Variants in ASIC2 observed in about 807,000 individuals in gnomAD.
ASIC2 encodes acid-sensing ion channel 2.
In ASIC2, 25 loss-of-function variants were observed where a neutral mutation model predicts 57.3. The ratio of observed to expected loss-of-function variants is 0.44; its 90% confidence interval spans 0.32 to 0.61. The LOEUF (loss-of-function observed/expected upper bound fraction) is 0.61, where lower values mean the gene tolerates loss of function less well. Among genes scored for constraint, ASIC2 ranks in the 20% least tolerant of loss-of-function variants. The pLI is 0.06. For synonymous variants in ASIC2, 319 were observed against 307.5 expected (o/e 1.04, Z -0.39); for missense variants, 641 against 738.1 (o/e 0.87, Z 1.52).
chr17:33,901,094 T>C (rs1027505867), intron 1 of ASIC2, among the ~76,000 whole-genome samples: 3 of 152,184 alleles, frequency 2.0e-5, no homozygotes, highest in Non-Finnish European at 2.9e-5. Context: ...GTCCTCCCTT[T>C]TGTGCTTCTG....
At chr17:33,028,480 G>A (rs2091868153) in intron 3 of ASIC2, 88 bp from the exon 4 acceptor site, 1 of 1,508,916 alleles carries the variant, frequency 6.6e-7, no homozygotes. Flanking sequence ...AACAATTATT[G>A]AGCATTTAAA....
intron 1 of ASIC2, among the ~76,000 whole-genome samples, chr17:33,614,107 G>T (rs1343771899): frequency 6.6e-6 from 1 of 152,070 alleles, no homozygotes; most frequent in Non-Finnish European, 1.5e-5. Context: ...CAGCTGCACC[G>T]GGTTTTAATT....
At chr17:33,919,618 A>G (rs1160334350) in intron 1 of ASIC2, among the ~76,000 whole-genome samples, 1 of 152,278 alleles carries the variant, frequency 6.6e-6, no homozygotes, top group Non-Finnish European at 1.5e-5. Context: ...TTTGGCAAAT[A>G]ATTTATGACA....
chr17:33,333,497 T>C (rs574981921), intron 1 of ASIC2, among the ~76,000 whole-genome samples: 1 of 152,276 alleles, frequency 6.6e-6, no homozygotes, highest in Non-Finnish European at 1.5e-5. Flanking sequence ...TGCAGAATTA[T>C]AAGTATATAA....
In ASIC2 at chr17:33,441,256, C is replaced by T. The variant is rs139007400; in HGVS notation, c.556-329189G>A. Among the ~76,000 whole-genome samples the T allele has an allele frequency of 2.4e-3, 367 of 152,264 alleles. 2 individuals carry two copies. The highest frequency in any genetic ancestry group is 8.5e-3 in the African/African-American group (352 of 41,536). On this transcript the variant is annotated intron_variant, in intron 1 of 9. Coordinates refer to the ASIC2 transcript ENST00000359872. ...CTTTCCTGGGATTACAGGAATGAGC[C>T]ACTGCACTGGACTCATTTTCTTAAT...
intron 1 of ASIC2, among the ~76,000 whole-genome samples, chr17:33,636,375 G>C (rs766163602): frequency 1.3e-5 from 2 of 152,118 alleles, no homozygotes; most frequent in Admixed American, 1.3e-4. Flanking sequence ...CGTGCCTTAG[G>C]GGGAAGAAGG....
At chr17:33,643,955 A>G (rs2142035321) in intron 1 of ASIC2, among the ~76,000 whole-genome samples, 1 of 152,350 alleles carries the variant, frequency 6.6e-6, no homozygotes, top group Admixed American at 6.5e-5. Context: ...AATTATTTTT[A>G]AAGTCGCAAA....
At chr17:33,825,041 T>G (rs1444458917) in intron 1 of ASIC2, among the ~76,000 whole-genome samples, 2 of 152,190 alleles carry the variant, frequency 1.3e-5, no homozygotes, top group Non-Finnish European at 2.9e-5. Flanking sequence ...TCTACTTCTA[T>G]CTCTGTATGT....
Position 33,396,527 on chromosome 17 carries a change from G to A in ASIC2, c.556-284460C>T, listed in dbSNP as rs796664190. Among the ~76,000 whole-genome samples the A allele has an allele frequency of 1.6e-4, 25 of 152,272 alleles. 1 individual carries two copies. Among genetic ancestry groups the A allele is most frequent in the African/African-American group, 5.5e-4 (23 of 41,558 alleles). On this transcript the variant is annotated intron_variant, in intron 1 of 9. Transcript: ENST00000359872. ...TGATTTTCTCAGGAACTTATTGCAGGGAAGTGGTGGTGCTGGGCTGGGACC... is the reference window on the plus strand; with the variant it reads ...TGATTTTCTCAGGAACTTATTGCAGAGAAGTGGTGGTGCTGGGCTGGGACC...
At chr17:33,026,120 G>A (rs2091858429) in intron 4 of ASIC2, 138 bp from the exon 5 acceptor site, 4 of 842,128 alleles carry the variant, frequency 4.7e-6, no homozygotes, top group Non-Finnish European at 5.6e-6. Context: ...GCAGTTCGAA[G>A]GGAGCCTTGG....
chr17:33,173,425 G>C (rs72819130), intron 1 of ASIC2, among the ~76,000 whole-genome samples: 122 of 152,288 alleles, frequency 8.0e-4, no homozygotes, highest in Non-Finnish European at 1.4e-3. Context: ...TGCTGAAGAG[G>C]CTGAAGGCGC....
intron 1 of ASIC2, among the ~76,000 whole-genome samples, chr17:34,109,338 G>T (rs539971894): frequency 2.3e-4 from 35 of 152,148 alleles, no homozygotes; most frequent in African/African-American, 8.0e-4. Context: ...TTTCCATTCT[G>T]CTTCTGGGCT....
intron 1 of ASIC2, among the ~76,000 whole-genome samples, chr17:33,593,773 A>G (rs924359718): frequency 6.6e-6 from 1 of 152,256 alleles, no homozygotes; most frequent in Non-Finnish European, 1.5e-5. Flanking sequence ...ACAGTGAGAA[A>G]GAACAAGCCT....
At chr17:33,657,186 T>C (rs1420767388) in intron 1 of ASIC2, among the ~76,000 whole-genome samples, 4 of 152,164 alleles carry the variant, frequency 2.6e-5, no homozygotes. Flanking sequence ...TGGGAATCCC[T>C]ACTGGGCACA....
intron 1 of ASIC2, among the ~76,000 whole-genome samples, chr17:33,204,533 C>T (rs918233037): frequency 6.6e-6 from 1 of 152,192 alleles, no homozygotes; most frequent in Non-Finnish European, 1.5e-5. Flanking sequence ...GCTCGCCTGT[C>T]CCACCTCCAC....
intron 1 of ASIC2, chr17:34,071,884 A>G (rs1429649117): frequency 6.6e-6 from 1 of 152,212 alleles, no homozygotes; most frequent in Non-Finnish European, 1.5e-5. Context: ...GAGAGAAAGA[A>G]AGATTCTGGC....
At chr17:33,225,749 C>G (rs1195834323) in intron 1 of ASIC2, among the ~76,000 whole-genome samples, 3 of 152,112 alleles carry the variant, frequency 2.0e-5, no homozygotes, top group Non-Finnish European at 4.4e-5. Flanking sequence ...GCTCCTGGGG[C>G]TAAGGCAACA....
intron 1 of ASIC2, among the ~76,000 whole-genome samples, chr17:33,515,976 A>G (rs1409809266): frequency 6.6e-6 from 1 of 152,112 alleles, no homozygotes; most frequent in East Asian, 1.9e-4. Flanking sequence ...GTGCGCCTGT[A>G]GTCCCAGCTA....
rs796562179 is a variant in ASIC2, at chr17:33,748,780, C to T, written c.555+407198G>A. ...GGCTTCATAATGTCCTTTCTTCCTT[C>T]GTGTGCCTCTTAAGTGATTAGTGTA... On this transcript the variant is annotated intron_variant, in intron 1 of 9. Coordinates refer to the ASIC2 transcript ENST00000359872. 4.6e-5 allele frequency among the ~76,000 whole-genome samples: 7 copies of T among 152,326 alleles called. 1 individual carries two copies. The highest frequency in any genetic ancestry group is 1.4e-4 in the African/African-American group (6 of 41,586).
Sources: gnomAD v4.1 joint callset for allele counts (sites outside exome capture counted in the v4.1 genomes callset) on GRCh38, gnomAD v4.1.1 for gene constraint, MANE v1.5 for transcripts, NCBI Gene and HGNC (gene_info 2026-07-23, HGNC 2026-07-21) for gene names.